SHROOM3: variants seen among roughly 807,000 people sequenced by gnomAD.
SHROOM3 encodes the protein protein Shroom3.
Under a neutral mutation model 138.6 loss-of-function variants are expected in SHROOM3, and 47 were observed. The observed-to-expected ratio is 0.34, with a 90% CI of 0.27 to 0.43. The LOEUF is 0.43. Among genes scored for constraint, SHROOM3 ranks in the 20% least tolerant of loss-of-function variants. The probability of loss-of-function intolerance (pLI) is 1.00; values close to 1 mark genes in which losing one functional copy is unlikely to be tolerated. For missense variants in SHROOM3, 2,491 were observed against 2,596.5 expected, an observed-to-expected ratio of 0.96 and a Z score of 0.88; for synonymous variants, 1,062 against 1,063.3, an observed-to-expected ratio of 1.00 and a Z score of 0.02.
At position 76,739,291 on chromosome 4, in the gene SHROOM3, CG is replaced by C; in HGVS notation, c.1120del (p.Asp374ThrfsTer47). ...QQCPSSLETA[T>X]DNLPPKVGAP... ...TGCCCCAGTTCCTTGGAGACTGCCA[CG>C]GACAACCTTCCTCCTAAGGTGGGTG... On this transcript the variant is annotated frameshift_variant, in exon 5 of 11. Coordinates refer to ENST00000296043, the MANE Select transcript of SHROOM3 (RefSeq NM_020859.4). LOFTEE classifies it high-confidence loss of function. 1 of 1,613,990 alleles carries C rather than the reference CG, an allele frequency of 6.2e-7. No individual in the cohort carries two copies. Among genetic ancestry groups the C allele is most frequent in the South Asian group, 1.1e-5 (1 of 91,056 alleles).
intron 4 of SHROOM3, among the ~76,000 whole-genome samples, chr4:76,731,309 T>G (rs1242494781): frequency 6.6e-6 from 1 of 152,220 alleles, no homozygotes. Context: ...TTTTTATTCC[T>G]GTGTTTGAAC....
chr4:76,738,566 G>A (rs1307012845), intron 4 of SHROOM3, among the ~76,000 whole-genome samples, 195 bp from the exon 5 acceptor site: 1 of 152,194 alleles, frequency 6.6e-6, no homozygotes, highest in African/African-American at 2.4e-5. Flanking sequence ...AGGCAGATAG[G>A]TTAGAGTGTT....
intron 2 of SHROOM3, among the ~76,000 whole-genome samples, chr4:76,611,237 G>A (rs1446446827): frequency 6.6e-6 from 1 of 151,216 alleles, no homozygotes; most frequent in Non-Finnish European, 1.5e-5. Flanking sequence ...TTGACTTTGT[G>A]CGCCCTCTCT....
intron 2 of SHROOM3, among the ~76,000 whole-genome samples, chr4:76,669,991 C>G (rs1413102019): frequency 1.3e-5 from 2 of 152,324 alleles, no homozygotes; most frequent in Non-Finnish European, 1.5e-5. Flanking sequence ...TCTAGTCTTC[C>G]CCATTTCTGT....
chr4:76,610,746 C>T (rs181558863), intron 2 of SHROOM3, among the ~76,000 whole-genome samples: 23 of 152,204 alleles, frequency 1.5e-4, no homozygotes, highest in African/African-American at 4.8e-4. Context: ...GGGATCCTGC[C>T]GTTACCCCTC....
intron 1 of SHROOM3, among the ~76,000 whole-genome samples, chr4:76,522,136 G>A (rs1366756672): frequency 6.7e-6 from 1 of 148,156 alleles, no homozygotes; most frequent in Non-Finnish European, 1.5e-5. Context: ...TACAGTGAAT[G>A]ATCCCTGATT....
At chr4:76,722,499 T>C (rs1337023980) in intron 3 of SHROOM3, among the ~76,000 whole-genome samples, 1 of 152,114 alleles carries the variant, frequency 6.6e-6, no homozygotes, top group Non-Finnish European at 1.5e-5. Flanking sequence ...CACTGGGGCC[T>C]ACTTGAGGGT....
intron 1 of SHROOM3, among the ~76,000 whole-genome samples, chr4:76,447,635 G>GCTTTTT (rs1730841383): frequency 6.6e-6 from 1 of 152,144 alleles, no homozygotes; most frequent in African/African-American, 2.4e-5. Context: ...TTTTGCTTTT[G>GCTTTTT]TTTATTTTTT....
At chr4:76,487,889 G>A (rs1731764519) in intron 1 of SHROOM3, among the ~76,000 whole-genome samples, 1 of 152,074 alleles carries the variant, frequency 6.6e-6, no homozygotes, top group African/African-American at 2.4e-5. Context: ...CTTTCTTTTG[G>A]CCTTTTTGCA....
chr4:76,503,924 T>C (rs1732151390), intron 1 of SHROOM3, among the ~76,000 whole-genome samples: 1 of 152,166 alleles, frequency 6.6e-6, no homozygotes, highest in African/African-American at 2.4e-5. Context: ...TCTTAAGATG[T>C]CCAACCCTGT....
At chr4:76,474,612 A>G (rs546984729) in intron 1 of SHROOM3, among the ~76,000 whole-genome samples, 1 of 152,290 alleles carries the variant, frequency 6.6e-6, no homozygotes, top group South Asian at 2.1e-4. Flanking sequence ...CTGTCAGTAG[A>G]GAACCATTAA....
At chr4:76,466,752 A>G (rs545537605) in intron 1 of SHROOM3, among the ~76,000 whole-genome samples, 1 of 152,320 alleles carries the variant, frequency 6.6e-6, no homozygotes, top group South Asian at 2.1e-4. Flanking sequence ...TACCAAGAAC[A>G]ACGACAAAAA....
intron 6 of SHROOM3, among the ~76,000 whole-genome samples, chr4:76,753,845 C>CAA (rs1298521138): frequency 1.8e-3 from 268 of 152,284 alleles, no homozygotes; most frequent in African/African-American, 6.3e-3. Context: ...TTCAGCAGCC[C>CAA]ATGCAAATGC....
At chr4:76,684,965 G>A (rs1719295786) in intron 2 of SHROOM3, among the ~76,000 whole-genome samples, 1 of 152,096 alleles carries the variant, frequency 6.6e-6, no homozygotes, top group Admixed American at 6.5e-5. Context: ...TAGGATGGTT[G>A]TTCACTTGTT....
chr4:76,693,943 C>T (rs1387557704), intron 2 of SHROOM3, among the ~76,000 whole-genome samples: 1 of 144,682 alleles, frequency 6.9e-6, no homozygotes, highest in Non-Finnish European at 1.5e-5. Flanking sequence ...GGTTAACATA[C>T]TATATTCTCT....
intron 2 of SHROOM3, among the ~76,000 whole-genome samples, chr4:76,689,331 C>T (rs1484593774): frequency 5.1e-5 from 7 of 138,218 alleles, no homozygotes; most frequent in Non-Finnish European, 1.1e-4. Flanking sequence ...CGGGAGGCTT[C>T]CTGTGGGATT....
intron 1 of SHROOM3, among the ~76,000 whole-genome samples, chr4:76,440,557 T>G (rs375680461): frequency 6.6e-6 from 1 of 152,208 alleles, no homozygotes; most frequent in African/African-American, 2.4e-5. Context: ...TGACTACTGC[T>G]CAGTCAACTG....
chr4:76,684,718 T>C (rs1043035257), intron 2 of SHROOM3, among the ~76,000 whole-genome samples: 7 of 152,172 alleles, frequency 4.6e-5, no homozygotes, highest in African/African-American at 7.2e-5. Context: ...AGAGAAAGGG[T>C]GAGGCCAGTA....
At chr4:76,521,389 C>G (rs1338658221) in intron 1 of SHROOM3, among the ~76,000 whole-genome samples, 1 of 152,138 alleles carries the variant, frequency 6.6e-6, no homozygotes, top group African/African-American at 2.4e-5. Flanking sequence ...AACATATTAG[C>G]TAACTCTGGA....
Sources: gnomAD v4.1 joint callset for allele counts (sites outside exome capture counted in the v4.1 genomes callset) on GRCh38, gnomAD v4.1.1 for gene constraint, MANE v1.5 for transcripts, NCBI Gene and HGNC (gene_info 2026-07-23, HGNC 2026-07-21) for gene names.